The following NDUFAF6 variants were observed in gnomAD, a reference collection of about 807,000 sequenced individuals.
NDUFAF6 encodes the protein NADH dehydrogenase (ubiquinone) complex I, assembly factor 6.
NDUFAF6 carries 45 observed loss-of-function variants against 40.8 expected under a neutral mutation model. The ratio of observed to expected loss-of-function variants is 1.10; its 90% CI spans 0.87 to 1.42. The LOEUF (loss-of-function observed/expected upper bound fraction) is 1.42, where lower values mean the gene tolerates loss of function less well. Ranked by LOEUF, NDUFAF6 falls within the 40% of genes most tolerant of loss-of-function variation. The pLI is 0.00. For synonymous variants in NDUFAF6, 185 were observed against 155.9 expected, an observed-to-expected ratio of 1.19 and a Z score of -1.39; for missense variants, 435 against 418.5, an observed-to-expected ratio of 1.04 and a Z score of -0.34.
At chr8:94,967,122 GCC>G (rs1279955864) in intron 1 of NDUFAF6, among the ~76,000 whole-genome samples, 5 of 152,216 alleles carry the variant, frequency 3.3e-5, no homozygotes, top group Non-Finnish European at 7.3e-5. Context: ...AGGGAATGAT[GCC>G]ATGAAAAGTG....
chr8:94,928,983 T>C (rs1362612365), intron 1 of NDUFAF6: 1 of 152,654 alleles, frequency 6.6e-6, no homozygotes, highest in East Asian at 1.9e-4. Context: ...TATGTTTACT[T>C]CAGAGGAAAT....
At chr8:95,061,718 A>G (rs1587212755), downstream of NDUFAF6, among the ~76,000 whole-genome samples, 1 of 152,232 alleles carries the variant, frequency 6.6e-6, no homozygotes, top group East Asian at 1.9e-4. Flanking sequence ...CTATCAGTAT[A>G]TAGTAGTTAA....
intron 1 of NDUFAF6, chr8:94,940,685 T>C (rs1207516574): frequency 1.6e-6 from 1 of 625,690 alleles, no homozygotes; most frequent in Non-Finnish European, 2.7e-6. Context: ...GCACAGATGG[T>C]TTCCTGCAAT....
chr8:94,999,608 G>T (rs1321746785), intron 2 of NDUFAF6, among the ~76,000 whole-genome samples: 2 of 151,520 alleles, frequency 1.3e-5, no homozygotes, highest in African/African-American at 4.9e-5. Flanking sequence ...ATAGAGACAG[G>T]GTTTTGCTAT....
chr8:95,088,083 C>T (rs6471515), intron 2 of NDUFAF6, among the ~76,000 whole-genome samples: 84,542 of 152,048 alleles, frequency 0.56, 23,764 homozygotes, highest in East Asian at 0.77. Context: ...GCCACCTGCT[C>T]GCCACCCCCA....
At chr8:95,099,579 C>G (rs1286034542), upstream of NDUFAF6, among the ~76,000 whole-genome samples, 1 of 150,282 alleles carries the variant, frequency 6.7e-6, no homozygotes, top group African/African-American at 2.5e-5. Context: ...GAGCCTATCT[C>G]AAAATTAAAA....
chr8:94,911,959 GC>G (rs1818812940), intron 1 of NDUFAF6, among the ~76,000 whole-genome samples: 1 of 152,200 alleles, frequency 6.6e-6, no homozygotes, highest in South Asian at 2.1e-4. Context: ...GTGAGTAACT[GC>G]TGTTCGTAAT....
intron 1 of NDUFAF6, chr8:94,926,634 C>T (rs183574676): frequency 1.3e-5 from 2 of 152,108 alleles, no homozygotes; most frequent in South Asian, 4.1e-4. Flanking sequence ...TTAAAAGTGT[C>T]GTAAAATTCT....
At chr8:95,067,305 G>A (rs1240298764) in intron 9 of NDUFAF6, 3 of 152,034 alleles carry the variant, frequency 2.0e-5, no homozygotes, top group Non-Finnish European at 2.9e-5. Flanking sequence ...TTACCTTTGT[G>A]TCCCAAGGAG....
At chr8:94,955,205 C>T (rs530806163), upstream of NDUFAF6, among the ~76,000 whole-genome samples, 2 of 152,310 alleles carry the variant, frequency 1.3e-5, no homozygotes, top group South Asian at 4.1e-4. Flanking sequence ...TGTCCTAGTT[C>T]ATTTTGTGTT....
downstream of NDUFAF6, among the ~76,000 whole-genome samples, chr8:95,061,000 G>T (rs899714539): frequency 2.0e-5 from 3 of 152,284 alleles, no homozygotes; most frequent in South Asian, 4.1e-4. Context: ...AGAGGAGATG[G>T]CATGTGAATA....
intron 8 of NDUFAF6, among the ~76,000 whole-genome samples, chr8:95,054,745 G>A (rs1831914036): frequency 6.6e-6 from 1 of 152,188 alleles, no homozygotes; most frequent in Non-Finnish European, 1.5e-5. Flanking sequence ...CCAGCTCTCA[G>A]TTTCTGTCCT....
At chr8:95,037,572 G>A (rs139527480) in intron 3 of NDUFAF6, among the ~76,000 whole-genome samples, 3 of 152,312 alleles carry the variant, frequency 2.0e-5, no homozygotes, top group African/African-American at 7.2e-5. Context: ...AGTAGTAGTA[G>A]TGCCGAGAAC....
intron 4 of NDUFAF6, among the ~76,000 whole-genome samples, chr8:95,043,917 T>C (rs540202040): frequency 7.9e-5 from 12 of 152,210 alleles, no homozygotes; most frequent in Non-Finnish European, 1.6e-4. Context: ...TGAAAACATA[T>C]GTCCACCCAG....
At chr8:95,060,394 C>T (rs1301354419), downstream of NDUFAF6, among the ~76,000 whole-genome samples, 1 of 152,126 alleles carries the variant, frequency 6.6e-6, no homozygotes, top group Non-Finnish European at 1.5e-5. Flanking sequence ...GTATAAATTA[C>T]AGATTATTCT....
chr8:94,909,371 A>AC (rs1818601132), intron 1 of NDUFAF6, among the ~76,000 whole-genome samples: 2 of 46,238 alleles, frequency 4.3e-5, no homozygotes, highest in East Asian at 9.3e-4. Context: ...AAAAAAAAAA[A>AC]AAAAAAAAAA....
At chr8:94,957,771 A>AC (rs1586803286), upstream of NDUFAF6, among the ~76,000 whole-genome samples, 1 of 152,134 alleles carries the variant, frequency 6.6e-6, no homozygotes, top group Non-Finnish European at 1.5e-5. Flanking sequence ...GGACATCTGA[A>AC]CCCCCGGGCC....
intron 1 of NDUFAF6, among the ~76,000 whole-genome samples, chr8:95,026,245 G>A (rs2599719): frequency 0.91 from 137,834 of 152,166 alleles, 62,736 homozygotes; most frequent in East Asian, 1. Context: ...AGACCGGTGG[G>A]TTGTTTGAGC....
intron 5 of NDUFAF6, among the ~76,000 whole-genome samples, chr8:95,045,903 G>C (rs1587121560): frequency 6.6e-6 from 1 of 151,866 alleles, no homozygotes. Flanking sequence ...TTAATAATCT[G>C]GTAATTGCAA....
Sources: allele counts gnomAD v4.1 joint callset (sites outside exome capture counted in the v4.1 genomes callset), GRCh38; gene constraint gnomAD v4.1.1; transcripts MANE v1.5; gene names NCBI Gene and HGNC (gene_info 2026-07-23, HGNC 2026-07-21).